Variants in HAT1 observed in about 807,000 individuals in gnomAD.
HAT1 encodes the protein histone acetyltransferase type B catalytic subunit.
HAT1 carries 20 observed loss-of-function variants against 56.6 expected under a neutral mutation model. The ratio of observed to expected loss-of-function variants is 0.35; its 90% CI spans 0.25 to 0.51. The LOEUF (loss-of-function observed/expected upper bound fraction) is 0.51. HAT1 is among the 20% of genes least tolerant of loss of function. The pLI is 0.95. For missense variants in HAT1, 408 were observed against 504.3 expected (o/e 0.81, Z 1.83); for synonymous variants, 146 against 165.5 (o/e 0.88, Z 0.91).
intron 3 of HAT1, 26 bp from the exon 4 acceptor site, chr2:171,952,855 C>T: frequency 6.5e-7 from 1 of 1,537,640 alleles, no homozygotes; most frequent in Non-Finnish European, 8.9e-7. Flanking sequence ...AAATTCATTC[C>T]ATTATTGCTA....
At chr2:171,949,066 G>A (rs1051677239) in intron 3 of HAT1, among the ~76,000 whole-genome samples, 1 of 152,174 alleles carries the variant, frequency 6.6e-6, no homozygotes, top group Middle Eastern at 3.4e-3. Context: ...GCTTGAATCA[G>A]TATTTTACTA....
intron 8 of HAT1, among the ~76,000 whole-genome samples, chr2:171,967,915 A>C (rs1341632697): frequency 6.9e-6 from 1 of 144,358 alleles, no homozygotes; most frequent in African/African-American, 2.5e-5. Flanking sequence ...CAAAAAAAAA[A>C]TGGTTGTAAG....
At chr2:171,925,674 C>A in intron 2 of HAT1, 33 bp downstream of exon 2, 1 of 877,044 alleles carries the variant, frequency 1.1e-6, no homozygotes, top group Non-Finnish European at 2.0e-6. Flanking sequence ...ATGTTATGTA[C>A]ATACTGTGTG....
rs181256133 is a variant in HAT1, at chr2:171,977,065, G to A, written c.975+757G>A. ...CATGCGCCTGTAGTCCCAGCTACTC[G>A]GTAGGCTGAGGCAGGAGAATTGCTT... is the stretch of plus-strand genomic sequence containing the variant. On this transcript the variant is annotated intron_variant, in intron 9 of 10. Transcript: ENST00000264108. 6.6e-3 allele frequency among the ~76,000 whole-genome samples: 997 copies of A among 152,104 alleles called. 14 individuals are homozygous for A. Among genetic ancestry groups the A allele is most frequent in the African/African-American group, 0.022 (931 of 41,516 alleles).
Position 171,939,508 on chromosome 2 carries a change from A to G in HAT1, c.113-7200A>G, listed in dbSNP as rs111455940. Among the ~76,000 whole-genome samples the G allele has an allele frequency of 3.7e-4, 57 of 152,294 alleles. 3 individuals carry two copies. Among genetic ancestry groups the G allele is most frequent in the African/African-American group, 1.3e-3 (56 of 41,554 alleles). On this transcript the variant is annotated intron_variant, in intron 2 of 10. Coordinates refer to ENST00000264108, the MANE Select transcript of HAT1 (RefSeq NM_003642.4). ...TGCTGCCCGTGGTGACTGTTTTTCT[A>G]AAAGAAATCTCTGGAGCGGCTGTTG... is the stretch of plus-strand genomic sequence containing the variant.
intron 4 of HAT1, among the ~76,000 whole-genome samples, chr2:171,955,662 A>G (rs745335930): frequency 1.3e-5 from 2 of 152,098 alleles, no homozygotes; most frequent in Non-Finnish European, 2.9e-5. Flanking sequence ...ACTGTTGGTT[A>G]GGGCTCAGAA....
chr2:171,955,865 T>G (rs1012435174), intron 4 of HAT1, among the ~76,000 whole-genome samples: 1 of 150,774 alleles, frequency 6.6e-6, no homozygotes, highest in African/African-American at 2.4e-5. Flanking sequence ...GCCAACATAG[T>G]GAAACCCCGT....
At chr2:171,929,940 T>A (rs955079817) in intron 2 of HAT1, among the ~76,000 whole-genome samples, 1 of 152,220 alleles carries the variant, frequency 6.6e-6, no homozygotes, top group Non-Finnish European at 1.5e-5. Flanking sequence ...ATCAGGTGGT[T>A]AATTTCTATT....
chr2:171,973,363 T>C (rs573877904), intron 8 of HAT1, among the ~76,000 whole-genome samples: 2 of 148,786 alleles, frequency 1.3e-5, no homozygotes, highest in African/African-American at 5.0e-5. Context: ...TCCCTTGTAT[T>C]TCCATAAAAA....
chr2:171,938,630 C>G (rs1686938324), intron 2 of HAT1, among the ~76,000 whole-genome samples: 2 of 152,094 alleles, frequency 1.3e-5, no homozygotes, highest in South Asian at 4.1e-4. Context: ...CCCTGCCTCA[C>G]AAGGATAAGA....
chr2:171,958,580 A>T (rs1449040214), intron 4 of HAT1, among the ~76,000 whole-genome samples: 4 of 152,102 alleles, frequency 2.6e-5, no homozygotes, highest in Non-Finnish European at 4.4e-5. Context: ...AAGCCACCGT[A>T]CCCAGCCTTC....
At chr2:171,941,551 C>G (rs1401915529) in intron 2 of HAT1, among the ~76,000 whole-genome samples, 1 of 152,190 alleles carries the variant, frequency 6.6e-6, no homozygotes, top group Non-Finnish European at 1.5e-5. Flanking sequence ...ATCACTGCCT[C>G]AGCTCCACCT....
chr2:171,965,592 A>G (rs1339732823), intron 5 of HAT1, 75 bp downstream of exon 5: 2 of 1,078,452 alleles, frequency 1.9e-6, no homozygotes, highest in African/African-American at 3.2e-5. Context: ...GTTGTCAGTG[A>G]TTTATTCTAA....
rs373338791 is a variant in HAT1, at chr2:171,922,480, G to A, written c.-21G>A. The stretch of plus-strand genomic sequence containing the variant: ...CGGGTTGATTCGTCCTTCCTCAGCC[G>A]CGGGTGATCGTAGCTCGGAAATGGC... On this transcript the variant is annotated 5_prime_UTR_variant, in exon 1 of 11. Coordinates refer to ENST00000264108, the MANE Select transcript of HAT1 (RefSeq NM_003642.4). 4.6e-6 allele frequency: 6 copies of A among 1,318,518 alleles called. No individual in the cohort carries two copies. In the African/African-American group the frequency reaches 9.0e-5, roughly 20 times the overall value. 81.7% of individuals were successfully genotyped at this position (1,318,518 alleles called of 1,614,324 possible). A position where few individuals can be genotyped will look rare whatever the true frequency, so the allele number is the denominator to read the frequency against.
chr2:171,925,234 G>A (rs563161628), intron 1 of HAT1, among the ~76,000 whole-genome samples: 22 of 151,704 alleles, frequency 1.5e-4, no homozygotes, highest in Non-Finnish European at 2.1e-4. Flanking sequence ...CACCGTGCCC[G>A]GCTAATTTTT....
At chr2:171,967,440 T>C (rs1411380296) in intron 8 of HAT1, among the ~76,000 whole-genome samples, 1 of 152,140 alleles carries the variant, frequency 6.6e-6, no homozygotes, top group Non-Finnish European at 1.5e-5. Flanking sequence ...AGGTGAAATG[T>C]AGGCCTATTT....
In HAT1 at chr2:171,938,075, T is replaced by TC. The variant is rs1558965281; in HGVS notation, c.113-8633_113-8632insC. Among the ~76,000 whole-genome samples the TC allele has an allele frequency of 2.6e-3, 356 of 138,902 alleles. 3 individuals carry two copies. Among genetic ancestry groups the TC allele is most frequent in the Middle Eastern group, 0.011 (3 of 264 alleles). 91.1% of individuals were successfully genotyped at this position (138,902 alleles called of 152,430 possible). A position where few individuals can be genotyped will look rare whatever the true frequency, so the allele number is the denominator to read the frequency against. ...CTCTCTCTCTCTCTCTCTCTCTCTCTTTAAATGAACTGTAAGAGTAGAAAC... is the reference window on the plus strand; with the variant it reads ...CTCTCTCTCTCTCTCTCTCTCTCTCTCTTAAATGAACTGTAAGAGTAGAAAC... On this transcript the variant is annotated intron_variant, in intron 2 of 10. Coordinates refer to ENST00000264108, the MANE Select transcript of HAT1 (RefSeq NM_003642.4).
At position 171,931,917 on chromosome 2, in the gene HAT1, A is replaced by G. The variant is rs989208708; in HGVS notation, c.112+6276A>G. On this transcript the variant is annotated intron_variant, in intron 2 of 10. Transcript: ENST00000264108. Reference sequence around the variant, plus strand: ...GCCTTATTCCCAATTGAAGAAGGAAAATTTTGAGCCTTTCACCATTCACTA... The same window carrying G: ...GCCTTATTCCCAATTGAAGAAGGAAGATTTTGAGCCTTTCACCATTCACTA... 1.3e-5 allele frequency among the ~76,000 whole-genome samples: 2 copies of G among 152,126 alleles called. 1 individual carries two copies. The highest frequency in any genetic ancestry group is 4.8e-5 in the African/African-American group (2 of 41,418).
intron 2 of HAT1, among the ~76,000 whole-genome samples, chr2:171,929,088 C>T (rs1374038526): frequency 6.6e-6 from 1 of 152,146 alleles, no homozygotes; most frequent in East Asian, 1.9e-4. Context: ...ATATCCTCAC[C>T]AACATTTTAT....
Sources: gnomAD v4.1 joint callset for allele counts (sites outside exome capture counted in the v4.1 genomes callset) on GRCh38, gnomAD v4.1.1 for gene constraint, MANE v1.5 for transcripts, NCBI Gene and HGNC (gene_info 2026-07-23, HGNC 2026-07-21) for gene names.